UNC5C: variants seen among roughly 807,000 people sequenced by gnomAD.
UNC5C encodes unc-5 netrin receptor C.
A neutral mutation model predicts 99.8 loss-of-function variants in UNC5C; 47 were observed. That is an observed-to-expected ratio of 0.47 (90% CI 0.37 to 0.60). The LOEUF (loss-of-function observed/expected upper bound fraction) is 0.60, where lower values mean the gene tolerates loss of function less well. Ranked by LOEUF, UNC5C falls within the 20% of genes least tolerant of loss-of-function variation. UNC5C has a pLI of 0.00. For synonymous variants in UNC5C, 487 were observed against 452.2 expected, an observed-to-expected ratio of 1.08 and a Z score of -0.98; for missense variants, 1,062 against 1,165.9, an observed-to-expected ratio of 0.91 and a Z score of 1.30.
Position 95,182,894 on chromosome 4 carries a change from T to TA in UNC5C, c.2451+2dup, listed in dbSNP as rs751547044. 5.0e-6 allele frequency: 8 copies of TA among 1,609,204 alleles called. No homozygotes were observed. The highest frequency in any genetic ancestry group is 1.7e-5 in the Admixed American group (1 of 59,926). ...TGATTTCAGACAGACAGGAGCCACT[T>TA]ACCTCTGACACGGTGCAGTTGAGCT... On this transcript the variant is annotated splice_region_variant and intron_variant, in intron 14 of 15. Transcript: ENST00000453304.
At chr4:95,254,590 A>T (rs918010705) in intron 4 of UNC5C, among the ~76,000 whole-genome samples, 4 of 152,180 alleles carry the variant, frequency 2.6e-5, no homozygotes, top group African/African-American at 9.6e-5. Flanking sequence ...TGGGAGCTTG[A>T]TAGACATATA....
chr4:95,169,646 T>C (rs1736008053), intron 15 of UNC5C, among the ~76,000 whole-genome samples: 1 of 152,192 alleles, frequency 6.6e-6, no homozygotes, highest in Admixed American at 6.5e-5. Flanking sequence ...ATGGGTCATA[T>C]TCTAAACAGG....
At chr4:95,474,062 G>T (rs2149475377) in intron 1 of UNC5C, among the ~76,000 whole-genome samples, 1 of 152,110 alleles carries the variant, frequency 6.6e-6, no homozygotes, top group Non-Finnish European at 1.5e-5. Flanking sequence ...AACTTTCAAT[G>T]ATAAATTCTT....
chr4:95,311,303 C>A (rs1417521723), intron 2 of UNC5C, among the ~76,000 whole-genome samples: 3 of 152,016 alleles, frequency 2.0e-5, no homozygotes, highest in Non-Finnish European at 4.4e-5. Context: ...ATAAAAAAAA[C>A]AATTTTGTGA....
intron 2 of UNC5C, among the ~76,000 whole-genome samples, chr4:95,329,767 G>A (rs1285174130): frequency 6.6e-6 from 1 of 152,028 alleles, no homozygotes; most frequent in Non-Finnish European, 1.5e-5. Context: ...CTGTCTCTTG[G>A]TTTTGTTTGT....
At chr4:95,447,467 A>G (rs1747137871) in intron 1 of UNC5C, among the ~76,000 whole-genome samples, 1 of 152,224 alleles carries the variant, frequency 6.6e-6, no homozygotes, top group African/African-American at 2.4e-5. Context: ...AGTTCTGAAA[A>G]TAAAAGTCAG....
At chr4:95,201,625 A>G (rs369348418) in intron 12 of UNC5C, among the ~76,000 whole-genome samples, 27 of 150,054 alleles carry the variant, frequency 1.8e-4, no homozygotes, top group Admixed American at 6.6e-4. Flanking sequence ...TTTTTTTCAG[A>G]CAGAGTTTCA....
intron 7 of UNC5C, among the ~76,000 whole-genome samples, chr4:95,230,792 G>A (rs1380255942): frequency 1.3e-5 from 2 of 151,558 alleles, no homozygotes; most frequent in Non-Finnish European, 2.9e-5. Flanking sequence ...AGACAGATCT[G>A]CCTTCACACA....
intron 14 of UNC5C, among the ~76,000 whole-genome samples, chr4:95,172,539 C>T (rs1467488340): frequency 1.3e-5 from 2 of 151,954 alleles, no homozygotes; most frequent in African/African-American, 4.8e-5. Context: ...AGTCAAAGAT[C>T]AGATAGTTGT....
chr4:95,437,946 C>A (rs936642592), intron 1 of UNC5C, among the ~76,000 whole-genome samples: 2 of 152,070 alleles, frequency 1.3e-5, no homozygotes, highest in Non-Finnish European at 2.9e-5. Context: ...AAAGGCAGAG[C>A]TGCAGGTAAA....
At chr4:95,397,869 A>G (rs938304047) in intron 1 of UNC5C, among the ~76,000 whole-genome samples, 4 of 152,192 alleles carry the variant, frequency 2.6e-5, no homozygotes, top group African/African-American at 9.6e-5. Flanking sequence ...CAAGACAACT[A>G]TCAAAACATT....
intron 1 of UNC5C, among the ~76,000 whole-genome samples, chr4:95,385,534 CA>C (rs1166034322): frequency 1.3e-5 from 2 of 152,086 alleles, no homozygotes; most frequent in Admixed American, 1.3e-4. Context: ...CCACTGCTAT[CA>C]AGTAGATGGT....
intron 14 of UNC5C, among the ~76,000 whole-genome samples, chr4:95,182,180 T>C (rs1323548622): frequency 6.6e-6 from 1 of 152,196 alleles, no homozygotes; most frequent in Non-Finnish European, 1.5e-5. Context: ...TAGATAGCAG[T>C]GATCACTATT....
At chr4:95,523,528 G>A (rs1042648798) in intron 1 of UNC5C, among the ~76,000 whole-genome samples, 6 of 152,068 alleles carry the variant, frequency 3.9e-5, no homozygotes, top group African/African-American at 1.4e-4. Flanking sequence ...ACTGATTAGG[G>A]GTATAGCTTG....
chr4:95,538,803 G>A (rs914012134), intron 1 of UNC5C, among the ~76,000 whole-genome samples: 3 of 152,090 alleles, frequency 2.0e-5, no homozygotes, highest in Non-Finnish European at 2.9e-5. Flanking sequence ...ATACAGTAGT[G>A]AATATAAGTA....
intron 1 of UNC5C, among the ~76,000 whole-genome samples, chr4:95,388,958 C>G (rs1339036908): frequency 6.6e-6 from 1 of 150,664 alleles, no homozygotes; most frequent in Non-Finnish European, 1.5e-5. Context: ...CTAGAGTCTG[C>G]CAGTTAAGAA....
Position 95,320,333 on chromosome 4 carries a change from G to A in UNC5C, c.346+15077C>T, listed in dbSNP as rs188436766. On this transcript the variant is annotated intron_variant, in intron 2 of 15. Coordinates refer to ENST00000453304, the MANE Select transcript of UNC5C (RefSeq NM_003728.4). ...GCTACTGGGGAGGCTGAGGCAGGAG[G>A]ATTGCTTGAACCCAGGAGGTGGAGG... 4.1e-3 allele frequency among the ~76,000 whole-genome samples: 620 copies of A among 150,660 alleles called. 17 individuals carry two copies. The highest frequency in any genetic ancestry group is 0.028 in the Admixed American group (427 of 15,072).
intron 12 of UNC5C, among the ~76,000 whole-genome samples, chr4:95,197,447 G>A (rs944032436): frequency 2.0e-5 from 3 of 152,154 alleles, no homozygotes; most frequent in African/African-American, 7.2e-5. Flanking sequence ...TGAAGATGGA[G>A]GTGGTCAGGA....
At chr4:95,470,288 T>C (rs1198116305) in intron 1 of UNC5C, among the ~76,000 whole-genome samples, 1 of 152,168 alleles carries the variant, frequency 6.6e-6, no homozygotes, top group African/African-American at 2.4e-5. Flanking sequence ...TCCATATATT[T>C]ATTTTTTAAA....
Sources: allele counts gnomAD v4.1 joint callset (sites outside exome capture counted in the v4.1 genomes callset), GRCh38; gene constraint gnomAD v4.1.1; transcripts MANE v1.5; gene names NCBI Gene and HGNC (gene_info 2026-07-23, HGNC 2026-07-21).